Variants in WWOX observed in about 807,000 individuals in gnomAD.
WWOX encodes the protein WW domain-containing oxidoreductase.
Under a neutral mutation model 46.2 loss-of-function variants are expected in WWOX, and 69 were observed. The observed-to-expected ratio is 1.49, with a 90% CI of 1.23 to 1.82. The LOEUF (loss-of-function observed/expected upper bound fraction) is 1.82. WWOX is among the 40% of genes most tolerant of loss of function. The pLI is 0.00. For synonymous variants in WWOX, 359 were observed against 202.6 expected (o/e 1.77, Z -6.56); for missense variants, 919 against 542.6 (o/e 1.69, Z -6.89).
chr16:79,088,200 C>T (rs529730304), intron 8 of WWOX, among the ~76,000 whole-genome samples: 6 of 152,314 alleles, frequency 3.9e-5, no homozygotes, highest in South Asian at 2.1e-4. Flanking sequence ...TAGCTAGGCT[C>T]AGTCCACGGG....
intron 8 of WWOX, among the ~76,000 whole-genome samples, chr16:78,701,394 A>C (rs1255777057): frequency 6.6e-6 from 1 of 151,630 alleles, no homozygotes; most frequent in Non-Finnish European, 1.5e-5. Context: ...CTTCTTTTTG[A>C]TCTTCTGAAG....
intron 8 of WWOX, among the ~76,000 whole-genome samples, chr16:78,594,214 C>G (rs77244199): frequency 0.017 from 2,522 of 152,144 alleles, 52 homozygotes; most frequent in East Asian, 0.079. Flanking sequence ...ATATACGAAG[C>G]AAACCTATGT....
intron 8 of WWOX, among the ~76,000 whole-genome samples, chr16:79,026,970 G>A (rs779699444): frequency 6.6e-6 from 1 of 150,706 alleles, no homozygotes; most frequent in Non-Finnish European, 1.5e-5. Flanking sequence ...TGAATACTGA[G>A]TAAATAAAGA....
intron 8 of WWOX, among the ~76,000 whole-genome samples, chr16:78,782,530 A>C (rs1437954768): frequency 6.6e-6 from 1 of 152,184 alleles, no homozygotes; most frequent in African/African-American, 2.4e-5. Context: ...ATTGAATTCA[A>C]GAGTGATGGA....
chr16:78,988,853 C>A (rs896959087), intron 8 of WWOX, among the ~76,000 whole-genome samples: 1 of 152,148 alleles, frequency 6.6e-6, no homozygotes, highest in Non-Finnish European at 1.5e-5. Flanking sequence ...CATGTTGCTG[C>A]GAGCCCCAAT....
chr16:78,612,511 C>A (rs889493578), intron 8 of WWOX, among the ~76,000 whole-genome samples: 3 of 152,200 alleles, frequency 2.0e-5, no homozygotes, highest in African/African-American at 7.2e-5. Flanking sequence ...AGAGCTCAAT[C>A]TTTTGCCTAG....
chr16:78,259,174 C>G (rs998453433), intron 5 of WWOX, among the ~76,000 whole-genome samples: 2 of 152,130 alleles, frequency 1.3e-5, no homozygotes. Flanking sequence ...GCAGCTCTTT[C>G]AAATCACCAA....
chr16:79,095,910 G>T (rs976953626), intron 8 of WWOX, among the ~76,000 whole-genome samples: 1 of 144,708 alleles, frequency 6.9e-6, no homozygotes, highest in Non-Finnish European at 1.5e-5. Flanking sequence ...TGTTGTTTAG[G>T]CATGATCTAG....
intron 8 of WWOX, among the ~76,000 whole-genome samples, chr16:78,490,926 A>G (rs2084769111): frequency 6.6e-6 from 1 of 152,150 alleles, no homozygotes; most frequent in Non-Finnish European, 1.5e-5. Flanking sequence ...GTGAGCTCAT[A>G]TGGAAGAGGC....
chr16:79,092,085 G>A (rs754728893), intron 8 of WWOX, among the ~76,000 whole-genome samples: 7 of 151,962 alleles, frequency 4.6e-5, no homozygotes, highest in Admixed American at 3.3e-4. Flanking sequence ...CGGGCCTCAC[G>A]TTTTTCTTTT....
At chr16:79,183,860 C>T (rs1414428994) in intron 8 of WWOX, among the ~76,000 whole-genome samples, 1 of 152,212 alleles carries the variant, frequency 6.6e-6, no homozygotes, top group Non-Finnish European at 1.5e-5. Flanking sequence ...ATCACACTAA[C>T]ACTGTCACTC....
chr16:79,159,449 C>T (rs1224555960), intron 8 of WWOX, among the ~76,000 whole-genome samples: 1 of 152,214 alleles, frequency 6.6e-6, no homozygotes, highest in Non-Finnish European at 1.5e-5. Flanking sequence ...CTCCTGGCAT[C>T]TCGAATGAGC....
At chr16:78,935,153 G>A (rs1049009112) in intron 8 of WWOX, among the ~76,000 whole-genome samples, 59 of 152,326 alleles carry the variant, frequency 3.9e-4, no homozygotes, top group Admixed American at 1.7e-3. Flanking sequence ...TACACTGTTG[G>A]TGGGACTGTA....
chr16:78,551,729 A>G (rs1459140293), intron 8 of WWOX: 1 of 150,460 alleles, frequency 6.6e-6, no homozygotes, highest in Non-Finnish European at 1.5e-5. Context: ...CCCATGAAGC[A>G]TCCTGAAAAA....
intron 8 of WWOX, among the ~76,000 whole-genome samples, chr16:78,975,268 T>C (rs1286786759): frequency 6.6e-6 from 1 of 152,188 alleles, no homozygotes; most frequent in Non-Finnish European, 1.5e-5. Context: ...TGTGGCAATG[T>C]CTAGAGACAT....
intron 7 of WWOX, among the ~76,000 whole-genome samples, chr16:78,428,954 G>A (rs6564556): frequency 0.2 from 29,789 of 152,084 alleles, 4,176 homozygotes; most frequent in African/African-American, 0.38. Flanking sequence ...TTAGAGCAAT[G>A]CTTGAAACAA....
rs370088725 is a variant in WWOX at position 78,984,421 on chromosome 16, A to G, written c.1057-227187A>G. ...TGTGGGTCATATAGTCTCTGTTTCA[A>G]TTACCCAACTCTGCTGTTGTAGTGC... On this transcript the variant is annotated intron_variant, in intron 8 of 8. Coordinates refer to ENST00000566780, the MANE Select transcript of WWOX (RefSeq NM_016373.4). Among the ~76,000 whole-genome samples the G allele has an allele frequency of 8.9e-4, 136 of 152,324 alleles. 2 individuals carry two copies. In the South Asian group the frequency reaches 0.023, roughly 26 times the overall value.
chr16:78,735,017 C>T (rs994785167), intron 8 of WWOX, among the ~76,000 whole-genome samples: 1 of 151,412 alleles, frequency 6.6e-6, no homozygotes, highest in East Asian at 2.0e-4. Context: ...CAGGCACCCA[C>T]CATCATGCCC....
At chr16:79,033,464 A>G (rs1021217244) in intron 8 of WWOX, among the ~76,000 whole-genome samples, 4 of 151,942 alleles carry the variant, frequency 2.6e-5, no homozygotes, top group Admixed American at 6.6e-5. Flanking sequence ...AGAATAAACT[A>G]TTTTTTATAC....
Sources: gnomAD v4.1 joint callset for allele counts (sites outside exome capture counted in the v4.1 genomes callset) on GRCh38, gnomAD v4.1.1 for gene constraint, MANE v1.5 for transcripts, NCBI Gene and HGNC (gene_info 2026-07-23, HGNC 2026-07-21) for gene names.